PTDSS1: variants seen among roughly 807,000 people sequenced by gnomAD.
PTDSS1 encodes the protein PSS-1.
Under a neutral mutation model 70.5 loss-of-function variants are expected in PTDSS1, and 45 were observed. The observed-to-expected ratio is 0.64, with a 90% CI of 0.50 to 0.82. The LOEUF is 0.82. Among genes scored for constraint, PTDSS1 ranks in the 40% least tolerant of loss-of-function variants. The pLI, the probability that PTDSS1 is intolerant of heterozygous loss-of-function variation, is 0.00. For missense variants in PTDSS1, 417 were observed against 586.1 expected (o/e 0.71, Z 2.98); for synonymous variants, 188 against 203.8 (o/e 0.92, Z 0.66).
intron 1 of PTDSS1, among the ~76,000 whole-genome samples, chr8:96,268,875 T>TC (rs1239768798): frequency 1.3e-5 from 2 of 152,060 alleles, no homozygotes; most frequent in African/African-American, 2.4e-5. Context: ...AGGCTGAGAC[T>TC]CCCCCCTCAC....
chr8:96,306,902 G>GA (rs1811132413), intron 8 of PTDSS1, among the ~76,000 whole-genome samples: 1 of 152,152 alleles, frequency 6.6e-6, no homozygotes, highest in Non-Finnish European at 1.5e-5. Context: ...GAGATTACTG[G>GA]AAAAATGCAA....
intron 3 of PTDSS1, among the ~76,000 whole-genome samples, chr8:96,285,236 T>C: frequency 6.6e-6 from 1 of 152,150 alleles, no homozygotes; most frequent in East Asian, 1.9e-4. Context: ...CTGCAAAGAT[T>C]CTGGGGGAGG....
At chr8:96,299,392 A>G (rs546347909) in intron 5 of PTDSS1, among the ~76,000 whole-genome samples, 2 of 152,306 alleles carry the variant, frequency 1.3e-5, no homozygotes, top group African/African-American at 4.8e-5. Context: ...TCATGTTGTC[A>G]TTAGCCAAGG....
intron 6 of PTDSS1, among the ~76,000 whole-genome samples, chr8:96,303,630 T>TTAAAA (rs1371342583): frequency 6.6e-6 from 1 of 152,168 alleles, no homozygotes; most frequent in East Asian, 1.9e-4. Flanking sequence ...CTTTCATGGG[T>TTAAAA]GTGTGAAACT....
intron 4 of PTDSS1, among the ~76,000 whole-genome samples, chr8:96,292,265 G>A (rs181931999): frequency 3.2e-4 from 42 of 133,298 alleles, no homozygotes; most frequent in Middle Eastern, 4.9e-3. Flanking sequence ...GTGCCACTGC[G>A]CTCCAGCCTA....
intron 10 of PTDSS1, among the ~76,000 whole-genome samples, chr8:96,322,972 A>T (rs1254384789): frequency 6.6e-6 from 1 of 152,220 alleles, no homozygotes; most frequent in Non-Finnish European, 1.5e-5. Context: ...ACAATACAAT[A>T]ATGGGACAGG....
At position 96,316,141 on chromosome 8, in the gene PTDSS1, T is replaced by A. The variant is rs546854178; in HGVS notation, c.1074-4105T>A. On this transcript the variant is annotated intron_variant, in intron 9 of 12. Coordinates refer to ENST00000517309, the MANE Select transcript of PTDSS1 (RefSeq NM_014754.3). ...TGGTTAAAGGAGCCCATGTGATCGT[T>A]GGGTTCCTACCACTTCTCACCATCT... Among the ~76,000 whole-genome samples the A allele has an allele frequency of 2.0e-3, 303 of 152,266 alleles. 1 individual carries two copies. The highest frequency in any genetic ancestry group is 6.9e-3 in the African/African-American group (288 of 41,550).
At chr8:96,293,805 CAG>C (rs1287666988) in intron 4 of PTDSS1, among the ~76,000 whole-genome samples, 1 of 152,234 alleles carries the variant, frequency 6.6e-6, no homozygotes, top group Non-Finnish European at 1.5e-5. Flanking sequence ...TAACCCTACA[CAG>C]TGTATTCCAG....
intron 10 of PTDSS1, among the ~76,000 whole-genome samples, chr8:96,329,785 T>C (rs1811487300): frequency 6.6e-6 from 1 of 152,212 alleles, no homozygotes; most frequent in South Asian, 2.1e-4. Context: ...GGTGCCGCTG[T>C]GACCTCTTCC....
intron 2 of PTDSS1, among the ~76,000 whole-genome samples, chr8:96,279,200 G>A (rs1347685124): frequency 6.6e-6 from 1 of 150,564 alleles, no homozygotes; most frequent in Non-Finnish European, 1.5e-5. Flanking sequence ...AGGCTGGTCT[G>A]GAACTCCTGA....
At chr8:96,297,300 T>C (rs1429767519) in intron 5 of PTDSS1, among the ~76,000 whole-genome samples, 1 of 152,166 alleles carries the variant, frequency 6.6e-6, no homozygotes, top group Non-Finnish European at 1.5e-5. Flanking sequence ...TGCCTCAGCC[T>C]CCCAAGTAGC....
intron 2 of PTDSS1, among the ~76,000 whole-genome samples, chr8:96,280,158 G>A (rs571279446): frequency 3.9e-5 from 6 of 152,134 alleles, no homozygotes; most frequent in Non-Finnish European, 7.4e-5. Context: ...TAAAATGCTA[G>A]CTCTTCTCAT....
At chr8:96,295,001 T>C in intron 4 of PTDSS1, 97 bp from the exon 5 acceptor site, 1 of 1,197,426 alleles carries the variant, frequency 8.4e-7, no homozygotes. Context: ...TTATTTGTTG[T>C]CAAGTTCATA....
chr8:96,317,668 G>A (rs1052236477), intron 9 of PTDSS1, among the ~76,000 whole-genome samples: 4 of 152,072 alleles, frequency 2.6e-5, no homozygotes, highest in African/African-American at 9.7e-5. Context: ...CTGGGAAGTG[G>A]AGGTTGCCAT....
chr8:96,286,299 C>T (rs967257869), intron 3 of PTDSS1, among the ~76,000 whole-genome samples: 16 of 152,326 alleles, frequency 1.1e-4, no homozygotes, highest in African/African-American at 3.8e-4. Context: ...ACGTATTGGA[C>T]AGGGTTTTGC....
intron 12 of PTDSS1, 111 bp downstream of exon 12, chr8:96,331,206 C>G: frequency 2.0e-6 from 2 of 977,990 alleles, no homozygotes; most frequent in Non-Finnish European, 3.1e-6. Flanking sequence ...TCAGGCCTAC[C>G]CATTGAATGT....
intron 9 of PTDSS1, among the ~76,000 whole-genome samples, chr8:96,316,963 T>C (rs978035518): frequency 3.3e-5 from 5 of 151,942 alleles, no homozygotes; most frequent in African/African-American, 1.2e-4. Context: ...CACTGCACTC[T>C]AGCCTGGGTG....
At chr8:96,314,719 C>A (rs1811260799) in intron 9 of PTDSS1, among the ~76,000 whole-genome samples, 1 of 152,184 alleles carries the variant, frequency 6.6e-6, no homozygotes, top group Non-Finnish European at 1.5e-5. Context: ...GCCTCAGCGT[C>A]CTGAGTAGCT....
At chr8:96,325,552 C>G (rs1466042676) in intron 10 of PTDSS1, among the ~76,000 whole-genome samples, 1 of 152,150 alleles carries the variant, frequency 6.6e-6, no homozygotes, top group African/African-American at 2.4e-5. Flanking sequence ...ATCAGCCAGT[C>G]ACTAAGATCT....
Sources: gnomAD v4.1 joint callset for allele counts (sites outside exome capture counted in the v4.1 genomes callset) on GRCh38, gnomAD v4.1.1 for gene constraint, MANE v1.5 for transcripts, NCBI Gene and HGNC (gene_info 2026-07-23, HGNC 2026-07-21) for gene names.